The following ZNF264 variants were observed in gnomAD, a reference collection of about 807,000 sequenced individuals.
ZNF264 encodes the protein zinc finger protein 264.
In ZNF264, 11 loss-of-function variants were observed where a neutral mutation model predicts 11.2. The observed-to-expected ratio is 0.98, with a 90% CI of 0.62 to 1.63. The LOEUF (loss-of-function observed/expected upper bound fraction) is 1.63. ZNF264 is among the 40% of genes most tolerant of loss of function. The pLI, the probability that ZNF264 is intolerant of heterozygous loss-of-function variation, is 0.00. For missense variants in ZNF264, 752 were observed against 768.1 expected (o/e 0.98, Z 0.25); for synonymous variants, 309 against 279.8 (o/e 1.10, Z -1.04).
rs1462645170 is a variant in ZNF264 at position 57,215,130 on chromosome 19, G to A, written c.*2149G>A. The A allele has an allele frequency of 1.3e-5, 2 of 152,290 alleles. No individual in the cohort carries two copies. The highest frequency in any genetic ancestry group is 3.8e-4 in the East Asian group (2 of 5,196). 9.4% of individuals were successfully genotyped at this position (152,290 alleles called of 1,614,324 possible). A position where few individuals can be genotyped will look rare whatever the true frequency, so the allele number is the denominator to read the frequency against. On this transcript the variant is annotated 3_prime_UTR_variant, in exon 4 of 4. Transcript: ENST00000263095. ...GTTCTCTTCTAATTTTTGGAAGACT[G>A]TGTAGAATTGGTGTTATTTGTTCTT...
At chr19:57,192,530 A>ACTG in intron 1 of ZNF264, 1 of 985,362 alleles carries the variant, frequency 1.0e-6, no homozygotes, top group Non-Finnish European at 1.2e-6. Flanking sequence ...CGTCAGAGAC[A>ACTG]AGTTCTGTCG....
intron 3 of ZNF264, among the ~76,000 whole-genome samples, chr19:57,206,485 G>A (rs917854556): frequency 2.6e-5 from 4 of 151,598 alleles, no homozygotes; most frequent in Admixed American, 1.3e-4. Flanking sequence ...TGATCCACCC[G>A]CCTCGGCCTC....
intron 2 of ZNF264, among the ~76,000 whole-genome samples, chr19:57,199,300 G>C (rs952461919): frequency 6.6e-6 from 1 of 151,844 alleles, no homozygotes; most frequent in Non-Finnish European, 1.5e-5. Context: ...TGCTGCCCTC[G>C]CAAATCTATT....
chr19:57,207,545 CTT>C (rs757880568), intron 3 of ZNF264, among the ~76,000 whole-genome samples: 7 of 103,082 alleles, frequency 6.8e-5, no homozygotes, highest in African/African-American at 1.8e-4. Flanking sequence ...TTTTTCTTTT[CTT>C]TTTTTTTTTT....
intron 2 of ZNF264, among the ~76,000 whole-genome samples, chr19:57,200,801 G>A (rs969290834): frequency 1.3e-5 from 2 of 151,562 alleles, no homozygotes; most frequent in Admixed American, 6.6e-5. Flanking sequence ...TATTAAAGAC[G>A]GGATTTTGCC....
rs2087346607 is a variant in ZNF264, at chr19:57,212,447, T to C, written c.1350T>C (p.Thr450=). ...TTATCTTGCATAAAAGGGCCCACAC[T>C]GGAGAAAAGCCTTTCGAGTGCAAAG... ...STFILHKRAH[T]GEKPFECKEC... Residue 450 remains threonine, a synonymous_variant, in exon 4 of 4, where the codon ACT becomes ACC. Transcript: ENST00000263095. The C allele has an allele frequency of 1.9e-6, 3 of 1,614,054 alleles. No homozygotes were observed. Among genetic ancestry groups the C allele is most frequent in the Non-Finnish European group, 2.5e-6 (3 of 1,180,042 alleles).
rs1465197832 is a variant in ZNF264 at position 57,212,876 on chromosome 19, C to T, written c.1779C>T (p.Asp593=). ...VTLRELLLGK[D]FLNVTTEANI... is the part of the protein sequence containing the mutation. ...TTCGAGAACTTCTTTTAGGGAAGGA[C>T]TTTTTGAATGTAACCACTGAGGCAA... Residue 593 remains aspartate, a synonymous_variant, in exon 4 of 4, where the codon GAC becomes GAT. Transcript: ENST00000263095. The T allele has an allele frequency of 6.2e-7, 1 of 1,614,182 alleles. No homozygotes were observed. Among genetic ancestry groups the T allele is most frequent in the Non-Finnish European group, 8.5e-7 (1 of 1,180,032 alleles).
chr19:57,205,959 C>T (rs913748162), intron 3 of ZNF264, among the ~76,000 whole-genome samples: 3 of 152,182 alleles, frequency 2.0e-5, no homozygotes, highest in Non-Finnish European at 2.9e-5. Context: ...GAGCTCTGTA[C>T]GACACAGTTA....
At chr19:57,200,234 T>C (rs1599947553) in intron 2 of ZNF264, among the ~76,000 whole-genome samples, 1 of 151,876 alleles carries the variant, frequency 6.6e-6, no homozygotes, top group Non-Finnish European at 1.5e-5. Context: ...AGGGCACTGA[T>C]TGGAAAAGAA....
intron 3 of ZNF264, among the ~76,000 whole-genome samples, chr19:57,211,125 A>G (rs2122763659): frequency 6.6e-6 from 1 of 152,262 alleles, no homozygotes; most frequent in East Asian, 1.9e-4. Context: ...GGCTCCACGA[A>G]CAGACGCATT....
intron 1 of ZNF264, chr19:57,193,434 G>A (rs868836918): frequency 2.2e-6 from 2 of 907,312 alleles, no homozygotes; most frequent in Non-Finnish European, 1.3e-6. Context: ...GAGCTGTCAA[G>A]TGTCAGTTTC....
At chr19:57,200,839 T>G (rs1196582448) in intron 2 of ZNF264, among the ~76,000 whole-genome samples, 1 of 151,900 alleles carries the variant, frequency 6.6e-6, no homozygotes, top group Non-Finnish European at 1.5e-5. Context: ...CTCGAACTCC[T>G]GAGCTGAAGT....
chr19:57,193,777 A>C (rs1023230897), intron 1 of ZNF264, 98 bp from the exon 2 acceptor site: 143 of 1,516,898 alleles, frequency 9.4e-5, no homozygotes, highest in Non-Finnish European at 1.2e-4. Context: ...TCTGTGATTC[A>C]GGCCGCCATC....
chr19:57,215,364 CTTT>C lies in ZNF264; in HGVS notation c.*2386_*2388del, dbSNP rs1466030245. 2.0e-5 allele frequency: 3 copies of C among 152,106 alleles called. No homozygotes were observed. The highest frequency in any genetic ancestry group is 2.9e-5 in the Non-Finnish European group (2 of 68,000). 9.4% of individuals were successfully genotyped at this position (152,106 alleles called of 1,614,324 possible). A position where few individuals can be genotyped will look rare whatever the true frequency, so the allele number is the denominator to read the frequency against. On this transcript the variant is annotated 3_prime_UTR_variant, in exon 4 of 4. Coordinates refer to ENST00000263095, the MANE Select transcript of ZNF264 (RefSeq NM_003417.5). ...TCTTTTGATAGCAGGATCTGCACTT[CTTT>C]TTATTTTTAATATTTAAAATGTGCA...
rs1254266017 is a variant in ZNF264, at chr19:57,215,720, A to AATGTTTT, written c.*2739_*2740insATGTTTT. On this transcript the variant is annotated 3_prime_UTR_variant, in exon 4 of 4. Coordinates refer to ENST00000263095, the MANE Select transcript of ZNF264 (RefSeq NM_003417.5). The stretch of plus-strand genomic sequence containing the variant: ...TCCCACAAGTTTTAATGTTTTCATT[A>AATGTTTT]CATTTTAATTCTAATAGTTTTTATT... The AATGTTTT allele has an allele frequency of 1.3e-5, 2 of 152,218 alleles. No homozygotes were observed. The highest frequency in any genetic ancestry group is 2.9e-5 in the Non-Finnish European group (2 of 68,030). 9.4% of individuals were successfully genotyped at this position (152,218 alleles called of 1,614,324 possible).
chr19:57,221,970 A>C lies in ZNF264; in HGVS notation c.*8989A>C, dbSNP rs1276743947. Reference sequence around the variant, plus strand: ...GTGACTTAAGTGGTACTAAAATGCTATATAAGTCAAATTTACGTAACATTA... The same window carrying C: ...GTGACTTAAGTGGTACTAAAATGCTCTATAAGTCAAATTTACGTAACATTA... On this transcript the variant is annotated 3_prime_UTR_variant, in exon 4 of 4. Transcript: ENST00000263095. 2 of 152,222 alleles carry C rather than the reference A, an allele frequency of 1.3e-5. No homozygotes were observed. Among genetic ancestry groups the C allele is most frequent in the Non-Finnish European group, 2.9e-5 (2 of 68,048 alleles). The allele number at this position is 152,222 out of a possible 1,614,324, so 9.4% of individuals were successfully genotyped here. A position where few individuals can be genotyped will look rare whatever the true frequency, so the allele number is the denominator to read the frequency against.
intron 3 of ZNF264, among the ~76,000 whole-genome samples, chr19:57,207,419 G>A (rs1375600347): frequency 6.6e-6 from 1 of 152,028 alleles, no homozygotes; most frequent in African/African-American, 2.4e-5. Context: ...CCCAGTCATG[G>A]CCAATTCCTA....
chr19:57,192,100 C>G (rs920050761), intron 1 of ZNF264, among the ~76,000 whole-genome samples, 154 bp downstream of exon 1: 1 of 152,138 alleles, frequency 6.6e-6, no homozygotes, highest in Non-Finnish European at 1.5e-5. Flanking sequence ...TTATACCTGG[C>G]CGTAAGGAGT....
At position 57,194,007 on chromosome 19, in the gene ZNF264, G is replaced by T; in HGVS notation, c.160+6G>T. The T allele has an allele frequency of 2.5e-6, 4 of 1,602,372 alleles. No homozygotes were observed. Among genetic ancestry groups the T allele is most frequent in the Non-Finnish European group, 3.4e-6 (4 of 1,173,788 alleles). ...TGGGCTCCTGGTGTCTCTGGGTAAGGCCTTCCTTCCCCCTCCACCATGCAG... is the reference window on the plus strand; with the variant it reads ...TGGGCTCCTGGTGTCTCTGGGTAAGTCCTTCCTTCCCCCTCCACCATGCAG... On this transcript the variant is annotated splice_donor_region_variant and intron_variant, in intron 2 of 3. Coordinates refer to ENST00000263095, the MANE Select transcript of ZNF264 (RefSeq NM_003417.5).
Sources: gnomAD v4.1 joint callset for allele counts (sites outside exome capture counted in the v4.1 genomes callset) on GRCh38, gnomAD v4.1.1 for gene constraint, MANE v1.5 for transcripts, NCBI Gene and HGNC (gene_info 2026-07-23, HGNC 2026-07-21) for gene names.